The following MYL9 variants were observed in gnomAD, a reference collection of about 807,000 sequenced individuals.
MYL9 encodes the protein myosin light chain 9, also known as myosin regulatory light polypeptide 9.
A neutral mutation model predicts 12.8 loss-of-function variants in MYL9; 7 were observed. The observed-to-expected ratio is 0.55, with a 90% CI of 0.31 to 1.03. The LOEUF (loss-of-function observed/expected upper bound fraction) is 1.03. Among genes scored for constraint, MYL9 ranks in the 50% least tolerant of loss-of-function variants. The probability of loss-of-function intolerance (pLI) is 0.05; values close to 1 mark genes in which losing one functional copy is unlikely to be tolerated. For missense variants in MYL9, 190 were observed against 242.7 expected (o/e 0.78, Z 1.44); for synonymous variants, 81 against 87.8 (o/e 0.92, Z 0.43).
At chr20:36,543,491 C>A (rs1009285417) in intron 1 of MYL9, among the ~76,000 whole-genome samples, 4 of 152,202 alleles carry the variant, frequency 2.6e-5, no homozygotes, top group Non-Finnish European at 5.9e-5. Flanking sequence ...AGTCCTGGAA[C>A]CTCAGCCAGG....
chr20:36,549,439 C>A lies in MYL9; in HGVS notation c.*190C>A. 1 of 594,486 alleles carries A rather than the reference C, an allele frequency of 1.7e-6. No individual in the cohort carries two copies. The highest frequency in any genetic ancestry group is 3.0e-6 in the Non-Finnish European group (1 of 337,270). 36.8% of individuals were successfully genotyped at this position (594,486 alleles called of 1,614,324 possible). ...GCTGAGGCAGATGTTCCCACAGTGACCCCAGAGCCCTGGGCTATAGTCTCT... is the reference window on the plus strand; with the variant it reads ...GCTGAGGCAGATGTTCCCACAGTGAACCCAGAGCCCTGGGCTATAGTCTCT... On this transcript the variant is annotated 3_prime_UTR_variant, in exon 4 of 4. Transcript: ENST00000279022.
chr20:36,544,262 T>G (rs2038069026), intron 1 of MYL9, among the ~76,000 whole-genome samples: 1 of 152,064 alleles, frequency 6.6e-6, no homozygotes, highest in Non-Finnish European at 1.5e-5. Context: ...AGGCGGGGGT[T>G]TGACTGCCCA....
Position 36,549,273 on chromosome 20 carries a change from C to T in MYL9, c.*24C>T. 1 of 1,536,352 alleles carries T rather than the reference C, an allele frequency of 6.5e-7. No individual in the cohort carries two copies. Among genetic ancestry groups the T allele is most frequent in the Non-Finnish European group, 8.8e-7 (1 of 1,137,914 alleles). On this transcript the variant is annotated 3_prime_UTR_variant, in exon 4 of 4. Transcript: ENST00000279022. The stretch of plus-strand genomic sequence containing the variant: ...AGGCCACCCCAGCCCCCTGACACCC[C>T]AGCCCCCGCCAGTCACCCCTCCCCG...
At chr20:36,547,173 T>C (rs2038111208) in intron 2 of MYL9, among the ~76,000 whole-genome samples, 1 of 152,216 alleles carries the variant, frequency 6.6e-6, no homozygotes, top group African/African-American at 2.4e-5. Context: ...GCACTGTGTT[T>C]GTAGCTCATA....
At chr20:36,547,984 G>C in intron 2 of MYL9, 48 bp from the exon 3 acceptor site, 1 of 1,546,462 alleles carries the variant, frequency 6.5e-7, no homozygotes, top group Non-Finnish European at 8.7e-7. Context: ...GTCCCAGCTG[G>C]GGACAGAGGG....
chr20:36,543,114 AG>A, intron 1 of MYL9, among the ~76,000 whole-genome samples: 1 of 152,158 alleles, frequency 6.6e-6, no homozygotes, highest in Non-Finnish European at 1.5e-5. Flanking sequence ...ACGGGAGAGG[AG>A]GGGGCCGGCA....
intron 3 of MYL9, among the ~76,000 whole-genome samples, 168 bp from the exon 4 acceptor site, chr20:36,548,909 C>T (rs1218586817): frequency 1.3e-5 from 2 of 152,130 alleles, no homozygotes; most frequent in East Asian, 3.9e-4. Context: ...CACGTGCACC[C>T]CCACACCCCT....
intron 2 of MYL9, 84 bp from the exon 3 acceptor site, chr20:36,547,948 A>AGGGGTGG: frequency 6.9e-7 from 1 of 1,444,652 alleles, no homozygotes; most frequent in Admixed American, 2.4e-5. Context: ...GGTGAAGGGC[A>AGGGGTGG]GGGGTGGGGG....
chr20:36,548,003 C>T (rs1409434838), intron 2 of MYL9, 29 bp from the exon 3 acceptor site: 1 of 1,580,468 alleles, frequency 6.3e-7, no homozygotes, highest in Non-Finnish European at 8.6e-7. Context: ...GGCCCAGGAC[C>T]ACAGGCTGGA....
At chr20:36,548,402 C>T (rs975458615) in intron 3 of MYL9, among the ~76,000 whole-genome samples, 7 of 152,238 alleles carry the variant, frequency 4.6e-5, no homozygotes, top group Admixed American at 6.5e-5. Flanking sequence ...GTGATCTCCC[C>T]CGCTGGCCCA....
intron 2 of MYL9, among the ~76,000 whole-genome samples, chr20:36,545,802 G>GCCTGTAGTC (rs745511677): frequency 2.8e-4 from 42 of 151,282 alleles, no homozygotes; most frequent in Non-Finnish European, 4.4e-4. Context: ...GGTGGCGGGC[G>GCCTGTAGTC]CCAGCTACTC....
At chr20:36,546,980 C>T (rs2038108336) in intron 2 of MYL9, among the ~76,000 whole-genome samples, 1 of 152,206 alleles carries the variant, frequency 6.6e-6, no homozygotes, top group Non-Finnish European at 1.5e-5. Context: ...CTTAAGTACC[C>T]CAGTGTCCTG....
intron 1 of MYL9, among the ~76,000 whole-genome samples, chr20:36,543,010 T>G (rs1229219886): frequency 6.6e-6 from 1 of 152,132 alleles, no homozygotes; most frequent in Non-Finnish European, 1.5e-5. Context: ...TTGGGCACAG[T>G]GCACTGCCTC....
chr20:36,541,990 C>A (rs981165918), intron 1 of MYL9, among the ~76,000 whole-genome samples: 2 of 152,052 alleles, frequency 1.3e-5, no homozygotes, highest in Admixed American at 1.3e-4. Flanking sequence ...GAGAAACAGC[C>A]CTGTGGGACT....
intron 1 of MYL9, among the ~76,000 whole-genome samples, chr20:36,542,517 G>A (rs1173392792): frequency 6.6e-6 from 1 of 152,142 alleles, no homozygotes; most frequent in African/African-American, 2.4e-5. Context: ...ACCCATGCCT[G>A]CCCCTCGCCC....
chr20:36,548,288 C>G (rs1569529794), intron 3 of MYL9, 95 bp downstream of exon 3: 1 of 1,436,340 alleles, frequency 7.0e-7, no homozygotes, highest in Non-Finnish European at 9.3e-7. Flanking sequence ...AGACATCACC[C>G]ATCTCCCAGG....
At chr20:36,542,817 C>T (rs539608187) in intron 1 of MYL9, among the ~76,000 whole-genome samples, 3 of 152,234 alleles carry the variant, frequency 2.0e-5, no homozygotes, top group South Asian at 2.1e-4. Flanking sequence ...GTGGACATGG[C>T]GGCCTTGTGC....
At chr20:36,548,570 G>A (rs956408509) in intron 3 of MYL9, among the ~76,000 whole-genome samples, 3 of 152,202 alleles carry the variant, frequency 2.0e-5, no homozygotes, top group African/African-American at 7.2e-5. Flanking sequence ...GGGTGATGAT[G>A]GCCATGGTAA....
chr20:36,543,481 A>G (rs1034827691), intron 1 of MYL9, among the ~76,000 whole-genome samples: 2 of 152,194 alleles, frequency 1.3e-5, no homozygotes, highest in African/African-American at 4.8e-5. Flanking sequence ...GAGGGGCCGC[A>G]GTCCTGGAAC....
Sources: allele counts gnomAD v4.1 joint callset (sites outside exome capture counted in the v4.1 genomes callset), GRCh38; gene constraint gnomAD v4.1.1; transcripts MANE v1.5; gene names NCBI Gene and HGNC (gene_info 2026-07-23, HGNC 2026-07-21).